The following KHDRBS2 variants were observed in gnomAD, a reference collection of about 807,000 sequenced individuals.
KHDRBS2 encodes the protein KH domain-containing, RNA-binding, signal transduction-associated protein 2.
Under a neutral mutation model 44.3 loss-of-function variants are expected in KHDRBS2, and 26 were observed. The observed-to-expected ratio is 0.59, with a 90% CI of 0.43 to 0.81. The LOEUF (loss-of-function observed/expected upper bound fraction) is 0.81, where lower values mean the gene tolerates loss of function less well. Ranked by LOEUF, KHDRBS2 falls within the 40% of genes least tolerant of loss-of-function variation. The pLI is 0.00. For synonymous variants in KHDRBS2, 194 were observed against 151.1 expected (o/e 1.28, Z -2.08); for missense variants, 476 against 433.1 (o/e 1.10, Z -0.88).
chr6:61,570,899 A>G, the KHDRBS2 span, among the ~76,000 whole-genome samples: 1 of 152,180 alleles, frequency 6.6e-6, no homozygotes, highest in African/African-American at 2.4e-5. Context: ...AAAAGCATAC[A>G]AGAACTGGTA....
chr6:62,030,340 C>T (rs1784123602), intron 3 of KHDRBS2, among the ~76,000 whole-genome samples: 1 of 152,054 alleles, frequency 6.6e-6, no homozygotes, highest in Non-Finnish European at 1.5e-5. Context: ...TTAAATTTTC[C>T]TCTTGGTTAT....
chr6:61,570,524 C>A, the KHDRBS2 span, among the ~76,000 whole-genome samples: 2 of 152,038 alleles, frequency 1.3e-5, no homozygotes, highest in Non-Finnish European at 2.9e-5. Flanking sequence ...ACTTCTTTGA[C>A]CTTGTAAGAA....
chr6:61,594,461 A>G, the KHDRBS2 span, among the ~76,000 whole-genome samples: 47 of 152,210 alleles, frequency 3.1e-4, no homozygotes, highest in Admixed American at 1.6e-3. Flanking sequence ...TTCCTTGAAG[A>G]CACAATACTT....
At chr6:62,022,426 G>A (rs1782521877) in intron 3 of KHDRBS2, among the ~76,000 whole-genome samples, 1 of 151,596 alleles carries the variant, frequency 6.6e-6, no homozygotes, top group African/African-American at 2.4e-5. Flanking sequence ...ACTGGAGAGT[G>A]TGTTTTCTGT....
At chr6:61,738,520 T>A (rs1362209327) in intron 6 of KHDRBS2, among the ~76,000 whole-genome samples, 1 of 151,992 alleles carries the variant, frequency 6.6e-6, no homozygotes, top group African/African-American at 2.4e-5. Flanking sequence ...CTCTACAATA[T>A]ACTTAAGGCA....
At chr6:61,945,354 A>G (rs1179745842) in intron 4 of KHDRBS2, among the ~76,000 whole-genome samples, 1 of 151,282 alleles carries the variant, frequency 6.6e-6, no homozygotes, top group Admixed American at 6.6e-5. Flanking sequence ...AGATATAATT[A>G]TGCCCTAATA....
At chr6:62,187,463 T>C (rs1823675116) in intron 1 of KHDRBS2, among the ~76,000 whole-genome samples, 1 of 152,022 alleles carries the variant, frequency 6.6e-6, no homozygotes, top group Non-Finnish European at 1.5e-5. Context: ...TCTAGGGAGG[T>C]AGAAAGTAAA....
chr6:61,868,256 A>G (rs547507679), intron 6 of KHDRBS2, among the ~76,000 whole-genome samples: 1 of 152,182 alleles, frequency 6.6e-6, no homozygotes, highest in East Asian at 1.9e-4. Flanking sequence ...AACTGCCTCC[A>G]CCTGCATCAT....
chr6:61,576,360 G>A, the KHDRBS2 span, among the ~76,000 whole-genome samples: 1 of 152,058 alleles, frequency 6.6e-6, no homozygotes, highest in African/African-American at 2.4e-5. Context: ...AAATGGGATT[G>A]ACTTCCTGAT....
intron 7 of KHDRBS2, among the ~76,000 whole-genome samples, chr6:61,710,244 G>A (rs9444355): frequency 0.41 from 61,876 of 151,454 alleles, 13,047 homozygotes; most frequent in Middle Eastern, 0.51. Flanking sequence ...CCGAAAGTCA[G>A]GTGAAGTTTT....
At chr6:61,586,205 T>C in the KHDRBS2 span, among the ~76,000 whole-genome samples, 1 of 152,192 alleles carries the variant, frequency 6.6e-6, no homozygotes, top group African/African-American at 2.4e-5. Context: ...AAAAAGATCC[T>C]GCTGATATTA....
At chr6:61,701,976 G>A (rs2127546197) in intron 7 of KHDRBS2, among the ~76,000 whole-genome samples, 1 of 152,014 alleles carries the variant, frequency 6.6e-6, no homozygotes, top group African/African-American at 2.4e-5. Flanking sequence ...ATTTTCTAGA[G>A]GTCCTGGATT....
At chr6:62,283,936 T>C (rs1438952872) in intron 1 of KHDRBS2, among the ~76,000 whole-genome samples, 1 of 152,150 alleles carries the variant, frequency 6.6e-6, no homozygotes, top group East Asian at 1.9e-4. Flanking sequence ...TTGGGTAACC[T>C]CTTTGTTTCT....
chr6:61,848,541 G>A lies in KHDRBS2; in HGVS notation c.810+46094C>T, dbSNP rs10944786. 6.8e-3 allele frequency among the ~76,000 whole-genome samples: 226 copies of A among 33,152 alleles called. 17 individuals carry two copies. Among genetic ancestry groups the A allele is most frequent in the South Asian group, 0.032 (33 of 1,036 alleles). 21.7% of individuals were successfully genotyped at this position (33,152 alleles called of 152,430 possible). A position where few individuals can be genotyped will look rare whatever the true frequency, so the allele number is the denominator to read the frequency against. ...TATGTATATATATATACATATATAT[G>A]TATATATATACATATATATATGTAT... On this transcript the variant is annotated intron_variant, in intron 6 of 8. Coordinates refer to ENST00000281156, the MANE Select transcript of KHDRBS2 (RefSeq NM_152688.4).
At chr6:61,858,459 A>C (rs1240895962) in intron 6 of KHDRBS2, among the ~76,000 whole-genome samples, 1 of 151,802 alleles carries the variant, frequency 6.6e-6, no homozygotes, top group Non-Finnish European at 1.5e-5. Flanking sequence ...TCTCCCCCAT[A>C]ATTTTAAATT....
At chr6:61,888,897 G>A (rs1160480364) in intron 6 of KHDRBS2, among the ~76,000 whole-genome samples, 1 of 151,864 alleles carries the variant, frequency 6.6e-6, no homozygotes, top group Non-Finnish European at 1.5e-5. Context: ...AGCATTCCTG[G>A]CATTCCTATG....
intron 6 of KHDRBS2, among the ~76,000 whole-genome samples, chr6:61,783,769 G>T (rs1342360012): frequency 6.6e-6 from 1 of 151,960 alleles, no homozygotes; most frequent in Non-Finnish European, 1.5e-5. Flanking sequence ...ATTACAATAT[G>T]TATAGGAGAT....
At chr6:62,277,076 A>G (rs1198634246) in intron 1 of KHDRBS2, among the ~76,000 whole-genome samples, 1 of 152,176 alleles carries the variant, frequency 6.6e-6, no homozygotes, top group Non-Finnish European at 1.5e-5. Context: ...TGATAATGGT[A>G]ATAATGATAA....
chr6:61,555,255 A>G, the KHDRBS2 span, among the ~76,000 whole-genome samples: 411 of 152,252 alleles, frequency 2.7e-3, 2 homozygotes, highest in African/African-American at 9.5e-3. Context: ...TTCAGAAAAC[A>G]GGTTTGGAGC....
Sources: allele counts gnomAD v4.1 joint callset (sites outside exome capture counted in the v4.1 genomes callset), GRCh38; gene constraint gnomAD v4.1.1; transcripts MANE v1.5; gene names NCBI Gene and HGNC (gene_info 2026-07-23, HGNC 2026-07-21).